The following ARPIN variants were observed in gnomAD, a reference collection of about 807,000 sequenced individuals.
The protein encoded by ARPIN is UPF0552 protein C15orf38.
ARPIN carries 23 observed loss-of-function variants against 25.9 expected under a neutral mutation model. That is an observed-to-expected ratio of 0.89 (90% CI 0.64 to 1.26). The LOEUF (loss-of-function observed/expected upper bound fraction) is 1.26, where lower values mean the gene tolerates loss of function less well. Among genes scored for constraint, ARPIN ranks in the 50% most tolerant of loss-of-function variants. The pLI, the probability that ARPIN is intolerant of heterozygous loss-of-function variation, is 0.00. For synonymous variants in ARPIN, 126 were observed against 131.4 expected (o/e 0.96, Z 0.28); for missense variants, 333 against 312.2 (o/e 1.07, Z -0.50).
chr15:89,903,363 A>G lies in ARPIN; in HGVS notation c.525T>C (p.Leu175=), dbSNP rs1485724838. The G allele has an allele frequency of 6.2e-7, 1 of 1,614,116 alleles. No homozygotes were observed. Among genetic ancestry groups the G allele is most frequent in the Non-Finnish European group, 8.5e-7 (1 of 1,180,008 alleles). ...DGPFLDSLAK[L]EAGTVTKCNF... ...TACACTTGGTCACTGTTCCAGCCTCAAGTTTGGCCAATGAATCTGAAAGAA... is the reference window on the plus strand; with the variant it reads ...TACACTTGGTCACTGTTCCAGCCTCGAGTTTGGCCAATGAATCTGAAAGAA... Residue 175 remains leucine, a synonymous_variant, in exon 5 of 6, where the codon CTT becomes CTC. Coordinates refer to ENST00000357484, the MANE Select transcript of ARPIN (RefSeq NM_182616.4).
intron 1 of ARPIN, 76 bp downstream of exon 1, chr15:89,912,668 C>T (rs1192253887): frequency 3.2e-6 from 2 of 625,164 alleles, no homozygotes; most frequent in Non-Finnish European, 4.0e-6. Flanking sequence ...CCGCATCCCA[C>T]CCCCCCACCC....
At position 89,908,372 on chromosome 15, in the gene ARPIN, T is replaced by C. The variant is rs755391171; in HGVS notation, c.209A>G (p.His70Arg). ...YVLYIRPSHI[H>R]RRKFDAKGNE... ...TCCCTTGGCGTCGAATTTACGGCGA[T>C]GGATGTGACTGGGCCGGATATACAG... The change falls in exon 3 of 6, where the codon CAT (histidine) becomes CGT (arginine). Residue 70 changes from histidine (H) to arginine (R), a missense_variant. Transcript: ENST00000357484. 3 of 1,614,164 alleles carry C rather than the reference T, an allele frequency of 1.9e-6. No individual in the cohort carries two copies. The highest frequency in any genetic ancestry group is 1.1e-5 in the South Asian group (1 of 91,078).
chr15:89,902,161 C>G (rs1443332557), intron 5 of ARPIN, among the ~76,000 whole-genome samples: 1 of 152,232 alleles, frequency 6.6e-6, no homozygotes, highest in Non-Finnish European at 1.5e-5. Flanking sequence ...GTAATCCCAG[C>G]ACTTTGGGAG....
chr15:89,907,243 T>G (rs1479417066), intron 3 of ARPIN, among the ~76,000 whole-genome samples: 1 of 151,872 alleles, frequency 6.6e-6, no homozygotes, highest in African/African-American at 2.4e-5. Flanking sequence ...AATTTTTGTA[T>G]TTTTAGTAGA....
In ARPIN at chr15:89,895,483, T is replaced by A. The variant is rs1223392264; in HGVS notation, c.*6312A>T. The A allele has an allele frequency of 2.0e-5, 3 of 152,244 alleles. No homozygotes were observed. The highest frequency in any genetic ancestry group is 2.0e-4 in the Admixed American group (3 of 15,270). 9.4% of individuals were successfully genotyped at this position (152,244 alleles called of 1,614,324 possible). On this transcript the variant is annotated 3_prime_UTR_variant, in exon 6 of 6. Transcript: ENST00000357484. ...ACTGCCTGGGCACCCTGGGCAAGTT[T>A]CCCCATCTGTAGAAAAGGTGTAATA...
rs77669897 is a variant in ARPIN at position 89,903,269 on chromosome 15, C to A, written c.619G>T (p.Gly207Trp). 4.1e-5 allele frequency: 66 copies of A among 1,614,124 alleles called. No individual in the cohort carries two copies. The highest frequency in any genetic ancestry group is 6.7e-5 in the Admixed American group (4 of 60,012). Residue 207 changes from glycine (G) to tryptophan (W), a missense_variant, in exon 5 of 6, where the codon GGG becomes TGG. Physicochemically the swap from Gly to Trp is radical, Grantham distance 184. Coordinates refer to ENST00000357484, the MANE Select transcript of ARPIN (RefSeq NM_182616.4). ...TGCTCTCGGATCTCCGCTGCAGCCC[C>A]CTTCGAACACTTTTGGGCCATGATG... ...DNIMAQKCSK[G>W]AAAEIREQGD...
intron 3 of ARPIN, among the ~76,000 whole-genome samples, chr15:89,905,290 G>A (rs1020944323): frequency 2.6e-5 from 4 of 152,102 alleles, no homozygotes; most frequent in African/African-American, 9.7e-5. Flanking sequence ...CCAAAGTGCT[G>A]GGATTACAGG....
rs1896944609 is a variant in ARPIN, at chr15:89,897,271, G to T, written c.*4524C>A. ...AGGCTGAGGAGTGAGGATCACTTGA[G>T]ATCAGAAGTTCAAGAAAAGCCTGGC... On this transcript the variant is annotated 3_prime_UTR_variant, in exon 6 of 6. Coordinates refer to ENST00000357484, the MANE Select transcript of ARPIN (RefSeq NM_182616.4). 6.6e-6 allele frequency: 1 copy of T among 151,954 alleles called. No homozygotes were observed. The highest frequency in any genetic ancestry group is 6.6e-5 in the Admixed American group (1 of 15,254). The allele number at this position is 151,954 out of a possible 1,614,324, so 9.4% of individuals were successfully genotyped here.
chr15:89,912,493 G>A (rs1897242570), intron 1 of ARPIN: 3 of 1,284,388 alleles, frequency 2.3e-6, no homozygotes, highest in Admixed American at 8.6e-5. Context: ...CCTGTCTGGG[G>A]GTCGGGACCC....
chr15:89,908,533 GA>G, intron 2 of ARPIN, 121 bp from the exon 3 acceptor site: 20 of 1,505,410 alleles, frequency 1.3e-5, no homozygotes, highest in Non-Finnish European at 1.8e-5. Context: ...AGCTCCAAAA[GA>G]TGTTCAAGCT....
chr15:89,901,474 T>G lies in ARPIN; in HGVS notation c.*321A>C. On this transcript the variant is annotated 3_prime_UTR_variant, in exon 6 of 6. Coordinates refer to ENST00000357484, the MANE Select transcript of ARPIN (RefSeq NM_182616.4). ...GGGGTGGATCGCTTGAGTCCAGGAG[T>G]TTGAGATCAGCCTGGGCAACATAGT... The G allele has an allele frequency of 5.8e-6, 2 of 345,536 alleles. No homozygotes were observed. The highest frequency in any genetic ancestry group is 4.6e-5 in the Admixed American group (1 of 21,776). 21.4% of individuals were successfully genotyped at this position (345,536 alleles called of 1,614,324 possible). A position where few individuals can be genotyped will look rare whatever the true frequency, so the allele number is the denominator to read the frequency against.
rs1188828711 is a variant in ARPIN at position 89,912,790 on chromosome 15, G to A, written c.46C>T (p.Gln16Ter). The A allele has an allele frequency of 6.6e-7, 1 of 1,521,616 alleles. No individual in the cohort carries two copies. The highest frequency in any genetic ancestry group is 8.8e-7 in the Non-Finnish European group (1 of 1,139,550). 94.3% of individuals were successfully genotyped at this position (1,521,616 alleles called of 1,614,324 possible). A position where few individuals can be genotyped will look rare whatever the true frequency, so the allele number is the denominator to read the frequency against. The stretch of plus-strand genomic sequence containing the variant: ...CAGGCCCCTGGCAGCCGGACGCTCT[G>A]CACCGCCTTGTTCCGGAGCGCGCCG... ...HDGALRNKAV[Q>*]SVRLPGAWDP... Residue 16 changes from glutamine to a stop codon, truncating the protein, a stop_gained, in exon 1 of 6, where the codon CAG becomes TAG. Transcript: ENST00000357484. LOFTEE classifies it high-confidence loss of function.
intron 1 of ARPIN, 118 bp downstream of exon 1, chr15:89,912,626 A>G (rs1288224695): frequency 7.4e-7 from 1 of 1,347,474 alleles, no homozygotes; most frequent in Non-Finnish European, 9.5e-7. Flanking sequence ...GAAGGCGGAG[A>G]GGCGGCTTTG....
chr15:89,911,132 T>A (rs1300076870), intron 1 of ARPIN, among the ~76,000 whole-genome samples: 2 of 152,230 alleles, frequency 1.3e-5, no homozygotes, highest in African/African-American at 2.4e-5. Flanking sequence ...GCTCCTCTGA[T>A]GTTGACACAA....
chr15:89,911,123 C>T (rs1426559680), intron 1 of ARPIN, among the ~76,000 whole-genome samples: 1 of 152,220 alleles, frequency 6.6e-6, no homozygotes, highest in Non-Finnish European at 1.5e-5. Flanking sequence ...CCTCACTCTG[C>T]TCCTCTGATG....
chr15:89,912,532 A>G (rs978643915), intron 1 of ARPIN: 2 of 1,297,080 alleles, frequency 1.5e-6, no homozygotes, highest in East Asian at 3.2e-5. Flanking sequence ...ACAGGCGGGG[A>G]GCTTTAAGCC....
In ARPIN at chr15:89,900,844, C is replaced by T. The variant is rs1395518610; in HGVS notation, c.*951G>A. 1.3e-5 allele frequency: 2 copies of T among 152,196 alleles called. No individual in the cohort carries two copies. Among genetic ancestry groups the T allele is most frequent in the Non-Finnish European group, 2.9e-5 (2 of 68,038 alleles). 9.4% of individuals were successfully genotyped at this position (152,196 alleles called of 1,614,324 possible). On this transcript the variant is annotated 3_prime_UTR_variant, in exon 6 of 6. Transcript: ENST00000357484. ...TGCTCAGCTGAAAGGCCGTTTACAC[C>T]TGACAATAACCCAGTAAGGGTGGAG...
chr15:89,911,072 G>C (rs1361496293), intron 1 of ARPIN, among the ~76,000 whole-genome samples: 3 of 152,206 alleles, frequency 2.0e-5, no homozygotes, highest in Non-Finnish European at 2.9e-5. Context: ...ACTGGAACCA[G>C]AGCCTCAGTC....
At position 89,912,893 on chromosome 15, in the gene ARPIN, C is replaced by T; in HGVS notation, c.-58G>A. 6.8e-7 allele frequency: 1 copy of T among 1,462,160 alleles called. No homozygotes were observed. The highest frequency in any genetic ancestry group is 9.0e-7 in the Non-Finnish European group (1 of 1,113,712). The allele number at this position is 1,462,160 out of a possible 1,614,324, so 90.6% of individuals were successfully genotyped here. A position where few individuals can be genotyped will look rare whatever the true frequency, so the allele number is the denominator to read the frequency against. The stretch of plus-strand genomic sequence containing the variant: ...CCGGCGCACTGGGCTGGGGGCGCGG[C>T]GCGGGAAGTGCTGCAGGACGCGCGG... On this transcript the variant is annotated 5_prime_UTR_variant, in exon 1 of 6. Transcript: ENST00000357484.
Sources: allele counts gnomAD v4.1 joint callset (sites outside exome capture counted in the v4.1 genomes callset), GRCh38; gene constraint gnomAD v4.1.1; transcripts MANE v1.5; gene names NCBI Gene and HGNC (gene_info 2026-07-23, HGNC 2026-07-21).